ZNF804B: variants seen among roughly 807,000 people sequenced by gnomAD.
The protein encoded by ZNF804B is zinc finger 804B.
A neutral mutation model predicts 101.4 loss-of-function variants in ZNF804B; 80 were observed. The observed-to-expected ratio is 0.79, with a 90% confidence interval of 0.66 to 0.95. The LOEUF (loss-of-function observed/expected upper bound fraction) is 0.95, where lower values mean the gene tolerates loss of function less well. Ranked by LOEUF, ZNF804B falls within the 40% of genes least tolerant of loss-of-function variation. The pLI is 0.00. For missense variants in ZNF804B, 1,673 were observed against 1,561.9 expected (o/e 1.07, Z -1.20); for synonymous variants, 622 against 558.8 (o/e 1.11, Z -1.59).
chr7:89,313,734 T>C (rs1289505324), intron 2 of ZNF804B, among the ~76,000 whole-genome samples: 1 of 152,238 alleles, frequency 6.6e-6, no homozygotes, highest in African/African-American at 2.4e-5. Context: ...TATGTTTCTA[T>C]AAATTTTAGT....
chr7:89,247,170 G>C (rs1789462074), intron 2 of ZNF804B, among the ~76,000 whole-genome samples: 1 of 152,172 alleles, frequency 6.6e-6, no homozygotes, highest in Non-Finnish European at 1.5e-5. Flanking sequence ...GCACTTGGTG[G>C]CTGCCCAGTG....
chr7:89,305,699 A>C lies in ZNF804B; in HGVS notation c.250-21645A>C, dbSNP rs1049821388. On this transcript the variant is annotated intron_variant, in intron 2 of 3. Transcript: ENST00000333190. ...TCCACAAGGGAAATAAAAACATATA[A>C]TGATAAAATATCAATCTTCAGCAGA... Among the ~76,000 whole-genome samples the C allele has an allele frequency of 3.3e-5, 5 of 152,072 alleles. 1 individual carries two copies. Among genetic ancestry groups the C allele is most frequent in the Admixed American group, 6.6e-5 (1 of 15,224 alleles).
At chr7:88,854,524 T>TTCCTTCCCTTCCCTTCCCTTC (rs1562812887) in intron 1 of ZNF804B, among the ~76,000 whole-genome samples, 1 of 66,110 alleles carries the variant, frequency 1.5e-5, no homozygotes, top group African/African-American at 8.0e-5. Flanking sequence ...TTCCTTTCCT[T>TTCCTTCCCTTCCCTTCCCTTC]CCTTTCCTTC....
intron 1 of ZNF804B, among the ~76,000 whole-genome samples, chr7:88,838,941 T>C (rs1188479018): frequency 6.6e-6 from 1 of 152,026 alleles, no homozygotes; most frequent in Non-Finnish European, 1.5e-5. Flanking sequence ...AGTAGAATGA[T>C]AACTTGCACC....
At position 89,218,177 on chromosome 7, in the gene ZNF804B, C is replaced by T. The variant is rs1788925912; in HGVS notation, c.131C>T (p.Thr44Ile). 1.9e-6 allele frequency: 3 copies of T among 1,613,018 alleles called. No individual in the cohort carries two copies. Among genetic ancestry groups the T allele is most frequent in the Non-Finnish European group, 2.5e-6 (3 of 1,179,590 alleles). ...AAGGATTTTGCAGAAAAGAAGTCCACAGCAAAGGCCCTGGAAGATGTAAAG... is the reference window on the plus strand; with the variant it reads ...AAGGATTTTGCAGAAAAGAAGTCCATAGCAAAGGCCCTGGAAGATGTAAAG... The part of the protein sequence containing the change: ...PSPDFAEKKS[T>I]AKALEDVKAN... The change falls in exon 2 of 4, where the codon ACA becomes ATA. Residue 44 changes from threonine to isoleucine, a missense_variant. By Grantham distance (89) the Thr-to-Ile change is moderately conservative (BLOSUM62 -1). Transcript: ENST00000333190.
At chr7:88,964,620 A>G (rs1400297883) in intron 1 of ZNF804B, among the ~76,000 whole-genome samples, 1 of 151,492 alleles carries the variant, frequency 6.6e-6, no homozygotes. Flanking sequence ...TTGTGCAACA[A>G]TGTGAATGTA....
chr7:89,007,538 AT>A (rs1189557579), intron 1 of ZNF804B, among the ~76,000 whole-genome samples: 5 of 56,824 alleles, frequency 8.8e-5, no homozygotes, highest in Admixed American at 4.3e-4. Context: ...ATCTATTATA[AT>A]TATATATAAT....
intron 1 of ZNF804B, among the ~76,000 whole-genome samples, chr7:89,010,289 C>T (rs975448762): frequency 2.6e-5 from 4 of 152,068 alleles, no homozygotes; most frequent in African/African-American, 9.7e-5. Context: ...CTATAAGGGA[C>T]AGAAACGGAA....
rs1528931 is a variant in ZNF804B at position 88,908,495 on chromosome 7, G to T, written c.108+148411G>T. 9.6e-3 allele frequency among the ~76,000 whole-genome samples: 1,456 copies of T among 151,552 alleles called. 22 individuals are homozygous for T. The highest frequency in any genetic ancestry group is 0.033 in the African/African-American group (1,357 of 41,370). On this transcript the variant is annotated intron_variant, in intron 1 of 3. Transcript: ENST00000333190. ...TTATGAATAAACGTTGTTGAGAATG[G>T]GTTTCAAACTGACCAAAAATACTTC...
chr7:88,988,576 A>G (rs1040000466), intron 1 of ZNF804B, among the ~76,000 whole-genome samples: 6 of 151,694 alleles, frequency 4.0e-5, no homozygotes, highest in African/African-American at 9.7e-5. Flanking sequence ...ATGGTCTGCA[A>G]CTGCTCTTTT....
intron 1 of ZNF804B, among the ~76,000 whole-genome samples, chr7:89,146,863 CA>C (rs61135119): frequency 0.13 from 18,978 of 151,342 alleles, 1,474 homozygotes; most frequent in African/African-American, 0.22. Context: ...CCTGTCTCTA[CA>C]AAAAATAACA....
At chr7:88,799,546 G>GA (rs1192256429) in intron 1 of ZNF804B, among the ~76,000 whole-genome samples, 1 of 151,950 alleles carries the variant, frequency 6.6e-6, no homozygotes, top group East Asian at 1.9e-4. Context: ...TTATGGTTTG[G>GA]ATAAAGTAAA....
intron 1 of ZNF804B, among the ~76,000 whole-genome samples, chr7:88,837,238 T>C (rs551131530): frequency 2.6e-5 from 4 of 152,028 alleles, no homozygotes; most frequent in Admixed American, 2.6e-4. Flanking sequence ...AAACATTTAC[T>C]TTAAAATGAA....
intron 1 of ZNF804B, among the ~76,000 whole-genome samples, chr7:89,158,116 A>G (rs1791003902): frequency 6.6e-6 from 1 of 152,126 alleles, no homozygotes; most frequent in South Asian, 2.1e-4. Context: ...TAACAAAAGG[A>G]TGCATCTCAA....
chr7:88,984,097 A>G (rs549236531), intron 1 of ZNF804B, among the ~76,000 whole-genome samples: 1 of 152,246 alleles, frequency 6.6e-6, no homozygotes, highest in East Asian at 1.9e-4. Flanking sequence ...AGATGCAAAT[A>G]TAGATTTGTC....
intron 1 of ZNF804B, among the ~76,000 whole-genome samples, chr7:88,899,345 T>TA (rs1055594253): frequency 2.0e-5 from 3 of 151,920 alleles, no homozygotes; most frequent in Admixed American, 6.6e-5. Flanking sequence ...CAAAATCCCA[T>TA]AAAAAAAATC....
chr7:89,223,318 C>T (rs539440380), intron 2 of ZNF804B, among the ~76,000 whole-genome samples: 18 of 151,884 alleles, frequency 1.2e-4, no homozygotes, highest in South Asian at 1.0e-3. Flanking sequence ...GATCTGATAA[C>T]GAAATAATCT....
chr7:88,964,002 T>C (rs1316383199), intron 1 of ZNF804B, among the ~76,000 whole-genome samples: 2 of 151,276 alleles, frequency 1.3e-5, no homozygotes, highest in Admixed American at 1.3e-4. Context: ...AAAAGAAAGC[T>C]GAACAATCCC....
At position 89,110,933 on chromosome 7, in the gene ZNF804B, TTTC is replaced by T. The variant is rs1236381231; in HGVS notation, c.109-107220_109-107218del. ...CAGGCAACCACTGATCTTTTTACTGTTTCTATAGTTTTTCTTTTTCAAGGTTGT... is the reference window on the plus strand; with the variant it reads ...CAGGCAACCACTGATCTTTTTACTGTTATAGTTTTTCTTTTTCAAGGTTGT... On this transcript the variant is annotated intron_variant, in intron 1 of 3. Transcript: ENST00000333190. Among the ~76,000 whole-genome samples the T allele has an allele frequency of 7.2e-5, 11 of 152,212 alleles. No homozygotes were observed. In the South Asian group the frequency reaches 2.3e-3, roughly 32 times the overall value.
Sources: allele counts gnomAD v4.1 joint callset (sites outside exome capture counted in the v4.1 genomes callset), GRCh38; gene constraint gnomAD v4.1.1; transcripts MANE v1.5; gene names NCBI Gene and HGNC (gene_info 2026-07-23, HGNC 2026-07-21).